The following LDLRAD3 variants were observed in gnomAD, a reference collection of about 807,000 sequenced individuals.
The protein encoded by LDLRAD3 is low-density lipoprotein receptor class A domain-containing protein 3.
A neutral mutation model predicts 29.4 loss-of-function variants in LDLRAD3; 20 were observed. The observed-to-expected ratio is 0.68, with a 90% CI of 0.48 to 0.99. LDLRAD3 has a LOEUF of 0.99. LDLRAD3 is among the 50% of genes least tolerant of loss of function. The probability of loss-of-function intolerance (pLI) is 0.00; values close to 1 mark genes in which losing one functional copy is unlikely to be tolerated. For missense variants in LDLRAD3, 420 were observed against 454.3 expected, an observed-to-expected ratio of 0.92 and a Z score of 0.69; for synonymous variants, 157 against 192.7, an observed-to-expected ratio of 0.81 and a Z score of 1.53.
At chr11:35,990,583 ATT>A (rs35610319) in intron 1 of LDLRAD3, among the ~76,000 whole-genome samples, 10,581 of 148,150 alleles carry the variant, frequency 0.071, 910 homozygotes, top group African/African-American at 0.2. Context: ...TAATTTTTGT[ATT>A]TTTTTTTTTT....
chr11:36,062,230 G>A (rs181649121), intron 2 of LDLRAD3, among the ~76,000 whole-genome samples: 57 of 152,172 alleles, frequency 3.7e-4, no homozygotes, highest in African/African-American at 1.3e-3. Flanking sequence ...CATTAATATG[G>A]GCTATAGCCC....
At chr11:36,016,282 C>G (rs1291105470) in intron 1 of LDLRAD3, among the ~76,000 whole-genome samples, 1 of 152,190 alleles carries the variant, frequency 6.6e-6, no homozygotes, top group East Asian at 1.9e-4. Flanking sequence ...CATTAATAAG[C>G]AGTCACCCAC....
intron 1 of LDLRAD3, among the ~76,000 whole-genome samples, chr11:36,025,546 T>G (rs372996594): frequency 1.3e-5 from 2 of 151,676 alleles, no homozygotes; most frequent in African/African-American, 2.4e-5. Context: ...CCGCCACCAC[T>G]CCCGGCTAAT....
At chr11:36,135,414 G>C (rs1313961029) in intron 4 of LDLRAD3, among the ~76,000 whole-genome samples, 1 of 152,168 alleles carries the variant, frequency 6.6e-6, no homozygotes, top group Non-Finnish European at 1.5e-5. Context: ...CAACAATTCT[G>C]ACCTTGCTTT....
intron 3 of LDLRAD3, among the ~76,000 whole-genome samples, chr11:36,096,243 G>T (rs751998825): frequency 2.0e-5 from 3 of 152,204 alleles, no homozygotes; most frequent in Non-Finnish European, 4.4e-5. Context: ...AGATAGCGTT[G>T]TGAAGTTAAC....
At chr11:35,946,116 G>A (rs373702063) in intron 1 of LDLRAD3, among the ~76,000 whole-genome samples, 2 of 152,148 alleles carry the variant, frequency 1.3e-5, no homozygotes, top group African/African-American at 4.8e-5. Context: ...CAGAAACAGG[G>A]CTGGTCCTTT....
chr11:35,950,933 G>A (rs1327191171), intron 1 of LDLRAD3, among the ~76,000 whole-genome samples: 4 of 151,956 alleles, frequency 2.6e-5, no homozygotes, highest in East Asian at 1.9e-4. Context: ...AATGCAAAAC[G>A]TTAGCCGGGA....
chr11:36,032,810 G>T lies in LDLRAD3; in HGVS notation c.47-3293G>T, dbSNP rs529093368. 7.2e-5 allele frequency among the ~76,000 whole-genome samples: 11 copies of T among 152,242 alleles called. No homozygotes were observed. The South Asian group carries it at 1.9e-3, about 26-fold the overall frequency. On this transcript the variant is annotated intron_variant, in intron 1 of 5. Transcript: ENST00000315571. ...CCAGTTGAGTGATGCAAATTGGATG[G>T]GTTTGAGGCAGGTTTTTGAAGACAG...
chr11:36,042,419 G>T (rs1244483067), intron 2 of LDLRAD3, among the ~76,000 whole-genome samples: 1 of 152,118 alleles, frequency 6.6e-6, no homozygotes, highest in Non-Finnish European at 1.5e-5. Context: ...CTCTTGGGCC[G>T]TTCTGTCATT....
intron 4 of LDLRAD3, among the ~76,000 whole-genome samples, chr11:36,151,686 T>A (rs551480312): frequency 6.6e-6 from 1 of 152,274 alleles, no homozygotes; most frequent in Admixed American, 6.5e-5. Context: ...TAAATGTATA[T>A]TGGTCAAAAT....
chr11:36,033,706 G>A (rs777819027), intron 1 of LDLRAD3, among the ~76,000 whole-genome samples: 2 of 152,192 alleles, frequency 1.3e-5, no homozygotes, highest in African/African-American at 4.8e-5. Context: ...TCTGGGTTGA[G>A]CATTTGTTGT....
chr11:35,956,107 CAT>C (rs755915819), intron 1 of LDLRAD3, among the ~76,000 whole-genome samples: 4 of 152,194 alleles, frequency 2.6e-5, no homozygotes, highest in Non-Finnish European at 4.4e-5. Context: ...TCGGGCCTCT[CAT>C]ATGGATGGAA....
At chr11:36,156,977 T>A (rs893151615) in intron 4 of LDLRAD3, among the ~76,000 whole-genome samples, 1 of 152,206 alleles carries the variant, frequency 6.6e-6, no homozygotes, top group Non-Finnish European at 1.5e-5. Context: ...GTTGATGATG[T>A]TGTTAGTACA....
chr11:35,988,708 C>A (rs1481401051), intron 1 of LDLRAD3, among the ~76,000 whole-genome samples: 1 of 152,124 alleles, frequency 6.6e-6, no homozygotes, highest in Non-Finnish European at 1.5e-5. Flanking sequence ...CCCAGCCTCC[C>A]AAGTAGCTGG....
chr11:36,004,835 T>C (rs1212549311), intron 1 of LDLRAD3, among the ~76,000 whole-genome samples: 2 of 152,210 alleles, frequency 1.3e-5, no homozygotes, highest in Non-Finnish European at 2.9e-5. Context: ...CAACACCATG[T>C]GAAAGTTGGC....
At chr11:36,227,572 G>C in intron 5 of LDLRAD3, 142 bp downstream of exon 5, 1 of 592,310 alleles carries the variant, frequency 1.7e-6, no homozygotes, top group Non-Finnish European at 2.8e-6. Flanking sequence ...GACATTTGCC[G>C]AGTCCTCGCA....
At chr11:36,153,692 T>C (rs755729621) in intron 4 of LDLRAD3, among the ~76,000 whole-genome samples, 18 of 152,168 alleles carry the variant, frequency 1.2e-4, no homozygotes, top group Admixed American at 7.9e-4. Context: ...GTGCTCTCTT[T>C]TGGCCTTATT....
intron 4 of LDLRAD3, among the ~76,000 whole-genome samples, chr11:36,175,930 T>G (rs1308872621): frequency 6.6e-6 from 1 of 152,184 alleles, no homozygotes; most frequent in Non-Finnish European, 1.5e-5. Flanking sequence ...ATTATTGTGT[T>G]GCTGTCTATC....
chr11:36,053,127 T>A (rs1852552697), intron 2 of LDLRAD3, among the ~76,000 whole-genome samples: 1 of 152,212 alleles, frequency 6.6e-6, no homozygotes, highest in South Asian at 2.1e-4. Context: ...CAGCTATAAG[T>A]CTATTTTGTA....
Sources: gnomAD v4.1 joint callset for allele counts (sites outside exome capture counted in the v4.1 genomes callset) on GRCh38, gnomAD v4.1.1 for gene constraint, MANE v1.5 for transcripts, NCBI Gene and HGNC (gene_info 2026-07-23, HGNC 2026-07-21) for gene names.